SMAD1: variants seen among roughly 807,000 people sequenced by gnomAD.
The protein encoded by SMAD1 is MAD, mothers against decapentaplegic homolog 1.
Under a neutral mutation model 41.6 loss-of-function variants are expected in SMAD1, and 6 were observed. That is an observed-to-expected ratio of 0.14 (90% CI 0.08 to 0.28). The LOEUF is 0.28. SMAD1 is among the 10% of genes least tolerant of loss of function. SMAD1 has a pLI of 1.00. For missense variants in SMAD1, 379 were observed against 582.6 expected (o/e 0.65, Z 3.60); for synonymous variants, 206 against 203.2 (o/e 1.01, Z -0.12).
At chr4:145,530,700 T>C (rs1731272510) in intron 2 of SMAD1, among the ~76,000 whole-genome samples, 2 of 151,304 alleles carry the variant, frequency 1.3e-5, no homozygotes, top group South Asian at 4.1e-4. Context: ...TTGCTACCTT[T>C]AGGCAAAACT....
chr4:145,549,254 C>T (rs1271808183), intron 5 of SMAD1, among the ~76,000 whole-genome samples: 13 of 152,076 alleles, frequency 8.5e-5, no homozygotes, highest in African/African-American at 3.1e-4. Context: ...GCAGGCAAAA[C>T]TGGAATATGA....
chr4:145,529,222 AT>A (rs979160437), intron 2 of SMAD1, among the ~76,000 whole-genome samples: 3 of 151,320 alleles, frequency 2.0e-5, no homozygotes, highest in South Asian at 2.1e-4. Flanking sequence ...TTTTGAAGGT[AT>A]TTTTTTTTCT....
intron 2 of SMAD1, among the ~76,000 whole-genome samples, chr4:145,526,221 C>T (rs1302607084): frequency 6.6e-6 from 1 of 152,200 alleles, no homozygotes; most frequent in Non-Finnish European, 1.5e-5. Flanking sequence ...AGCATTTGGA[C>T]AGCTTATTGT....
rs1192235027 is a variant in SMAD1 at position 145,482,226 on chromosome 4, C to A, written c.-177+188C>A. Among the ~76,000 whole-genome samples the A allele has an allele frequency of 7.6e-6, 1 of 132,374 alleles. No individual in the cohort carries two copies. The highest frequency in any genetic ancestry group is 7.3e-5 in the Admixed American group (1 of 13,774). 86.8% of individuals were successfully genotyped at this position (132,374 alleles called of 152,430 possible). A position where few individuals can be genotyped will look rare whatever the true frequency, so the allele number is the denominator to read the frequency against. On this transcript the variant is annotated intron_variant, in intron 1 of 6. Coordinates refer to ENST00000302085, the MANE Select transcript of SMAD1 (RefSeq NM_005900.3). This position sits in a 1 kb window ranked among gnomAD's most constrained non-coding sequence, Gnocchi z 4.2. ...TTTCTGCGCGGGGCGGGCCGCGACC[C>A]CCCCCCCCCATGATGGCGCCTCCCG...
At chr4:145,487,005 A>G (rs1321585721) in intron 1 of SMAD1, among the ~76,000 whole-genome samples, 1 of 152,104 alleles carries the variant, frequency 6.6e-6, no homozygotes, top group African/African-American at 2.4e-5. Flanking sequence ...AACTTTTTAT[A>G]CCTAACATTG....
At position 145,521,900 on chromosome 4, in the gene SMAD1, T is replaced by TAA. The variant is rs10713518; in HGVS notation, c.400+6904_400+6905dup. 5.1e-3 allele frequency among the ~76,000 whole-genome samples: 629 copies of TAA among 124,076 alleles called. 3 individuals carry two copies. Among genetic ancestry groups the TAA allele is most frequent in the African/African-American group, 0.015 (553 of 36,158 alleles). The allele number at this position is 124,076 out of a possible 152,430, so 81.4% of individuals were successfully genotyped here. A position where few individuals can be genotyped will look rare whatever the true frequency, so the allele number is the denominator to read the frequency against. ...CCTTGATTTAACAAATGGTTTTCTG[T>TAA]AAAAAAAAAAAAAAAAAAGCAGCTA... On this transcript the variant is annotated intron_variant, in intron 2 of 6. Coordinates refer to ENST00000302085, the MANE Select transcript of SMAD1 (RefSeq NM_005900.3).
intron 5 of SMAD1, among the ~76,000 whole-genome samples, chr4:145,551,111 T>C (rs1283895890): frequency 6.6e-6 from 1 of 152,128 alleles, no homozygotes; most frequent in African/African-American, 2.4e-5. Context: ...AAGAAAAAAT[T>C]ATCGGCATTA....
chr4:145,529,387 GAC>G (rs1439885586), intron 2 of SMAD1, among the ~76,000 whole-genome samples: 6 of 152,196 alleles, frequency 3.9e-5, no homozygotes, highest in Non-Finnish European at 8.8e-5. Flanking sequence ...GAAGAGAAAA[GAC>G]AGAGAGGGAA....
intron 1 of SMAD1, among the ~76,000 whole-genome samples, chr4:145,505,178 G>A (rs754786166): frequency 6.6e-6 from 1 of 152,158 alleles, no homozygotes; most frequent in Admixed American, 6.5e-5. Context: ...TTATAGTAAT[G>A]AGAATTACAT....
chr4:145,481,674 T>G (rs1466597013), upstream of SMAD1: 1 of 155,884 alleles, frequency 6.4e-6, no homozygotes, highest in Non-Finnish European at 1.4e-5. Context: ...CCGGCCGCGC[T>G]GCGCTCACGC....
intron 2 of SMAD1, among the ~76,000 whole-genome samples, chr4:145,532,962 C>T (rs555403988): frequency 7.2e-5 from 11 of 152,236 alleles, no homozygotes; most frequent in African/African-American, 2.6e-4. Context: ...TCCTTTTTGC[C>T]TAATAGAAAA....
intron 1 of SMAD1, among the ~76,000 whole-genome samples, chr4:145,511,309 A>ACT (rs1292480107): frequency 6.6e-6 from 1 of 152,046 alleles, no homozygotes; most frequent in Non-Finnish European, 1.5e-5. Context: ...AGACGCTCTC[A>ACT]CTCTGTCACT....
chr4:145,525,411 A>G (rs1730972906), intron 2 of SMAD1, among the ~76,000 whole-genome samples: 1 of 152,240 alleles, frequency 6.6e-6, no homozygotes, highest in Admixed American at 6.5e-5. Flanking sequence ...TTGAAGAAGC[A>G]GAGCTGGAGG....
intron 2 of SMAD1, among the ~76,000 whole-genome samples, chr4:145,536,912 G>A (rs1447751738): frequency 1.3e-5 from 2 of 152,092 alleles, no homozygotes; most frequent in African/African-American, 4.8e-5. Flanking sequence ...AGAAGGGAAT[G>A]ATACCACTTA....
chr4:145,550,487 T>C (rs1379660613), intron 5 of SMAD1, among the ~76,000 whole-genome samples: 1 of 152,182 alleles, frequency 6.6e-6, no homozygotes, highest in Non-Finnish European at 1.5e-5. Flanking sequence ...CTCTCCAGCC[T>C]GGGTGACAGA....
intron 1 of SMAD1, among the ~76,000 whole-genome samples, chr4:145,499,376 C>G (rs1307964043): frequency 6.6e-6 from 1 of 152,154 alleles, no homozygotes; most frequent in Non-Finnish European, 1.5e-5. Context: ...TAATCCCAAC[C>G]CTTTGGGAGG....
At chr4:145,522,622 T>TA (rs1203511625) in intron 2 of SMAD1, among the ~76,000 whole-genome samples, 1 of 152,144 alleles carries the variant, frequency 6.6e-6, no homozygotes, top group Admixed American at 6.5e-5. Context: ...TGGAAATCTT[T>TA]AAAAAATGTC....
At chr4:145,537,739 G>GC (rs973064731) in intron 2 of SMAD1, among the ~76,000 whole-genome samples, 8 of 152,052 alleles carry the variant, frequency 5.3e-5, no homozygotes, top group African/African-American at 1.7e-4. Flanking sequence ...GAAATACATT[G>GC]CCCTTTGCTG....
intron 1 of SMAD1, among the ~76,000 whole-genome samples, chr4:145,492,763 T>A (rs73852327): frequency 0.11 from 16,374 of 152,214 alleles, 2,730 homozygotes; most frequent in African/African-American, 0.36. Context: ...AGTCAATCAT[T>A]AGCATACAAA....
Sources: gnomAD v4.1 joint callset for allele counts (sites outside exome capture counted in the v4.1 genomes callset) on GRCh38, gnomAD v4.1.1 for gene constraint, Gnocchi (gnomAD v3.1) non-coding constraint, MANE v1.5 for transcripts, NCBI Gene and HGNC (gene_info 2026-07-23, HGNC 2026-07-21) for gene names.